PDE4A: variants seen among roughly 807,000 people sequenced by gnomAD.
PDE4A encodes the protein 3',5'-cyclic-AMP phosphodiesterase 4A.
A neutral mutation model predicts 73.9 loss-of-function variants in PDE4A; 21 were observed. The observed-to-expected ratio is 0.28, with a 90% CI of 0.20 to 0.41. PDE4A has a LOEUF of 0.41. Among genes scored for constraint, PDE4A ranks in the 10% least tolerant of loss-of-function variants. The probability of loss-of-function intolerance (pLI) is 1.00; values close to 1 mark genes in which losing one functional copy is unlikely to be tolerated. For missense variants in PDE4A, 958 were observed against 1,211.4 expected, an observed-to-expected ratio of 0.79 and a Z score of 3.10; for synonymous variants, 463 against 505.4, an observed-to-expected ratio of 0.92 and a Z score of 1.13.
intron 1 of PDE4A, chr19:10,427,347 G>A: frequency 4.1e-6 from 1 of 242,962 alleles, no homozygotes; most frequent in Non-Finnish European, 6.6e-6. Flanking sequence ...TGATGGAAGA[G>A]GGTGCCAACC....
intron 4 of PDE4A, among the ~76,000 whole-genome samples, chr19:10,450,134 T>C (rs2043068032): frequency 1.3e-5 from 2 of 152,118 alleles, no homozygotes; most frequent in Admixed American, 1.3e-4. Context: ...ATTACAATAA[T>C]GCCTCCCTTA....
At chr19:10,432,446 T>C in intron 1 of PDE4A, 2 of 1,479,818 alleles carry the variant, frequency 1.4e-6, no homozygotes, top group Middle Eastern at 2.2e-4. Context: ...TGCGCTCCGG[T>C]GCAGCGCCCC....
chr19:10,447,186 C>T (rs2043018864), intron 2 of PDE4A, among the ~76,000 whole-genome samples: 2 of 148,710 alleles, frequency 1.3e-5, no homozygotes, highest in Non-Finnish European at 1.5e-5. Flanking sequence ...AGGCATGAGC[C>T]ACCGCGCCTG....
At chr19:10,421,179 T>A (rs1599394882) in intron 1 of PDE4A, 95 bp downstream of exon 1, 1 of 1,334,114 alleles carries the variant, frequency 7.5e-7, no homozygotes, top group Non-Finnish European at 9.5e-7. Context: ...AGGATGCGGG[T>A]GGGGTCGGTT....
At chr19:10,426,190 T>C (rs1337661890) in intron 1 of PDE4A, among the ~76,000 whole-genome samples, 1 of 151,690 alleles carries the variant, frequency 6.6e-6, no homozygotes, top group African/African-American at 2.4e-5. Context: ...ATAAAAGAAG[T>C]AAATCCAGCT....
intron 1 of PDE4A, among the ~76,000 whole-genome samples, chr19:10,433,888 C>T (rs544612744): frequency 1.2e-4 from 18 of 151,930 alleles, no homozygotes; most frequent in African/African-American, 3.4e-4. Flanking sequence ...CTGTGCGCCC[C>T]GGGGGAAGAC....
chr19:10,459,782 A>G, intron 10 of PDE4A, 23 bp downstream of exon 10: 1 of 1,583,058 alleles, frequency 6.3e-7, no homozygotes, highest in Non-Finnish European at 8.6e-7. Context: ...CCTGTGAGTG[A>G]CCGTCCCCAT....
chr19:10,443,723 C>T (rs1013706624), intron 1 of PDE4A, among the ~76,000 whole-genome samples: 1 of 151,524 alleles, frequency 6.6e-6, no homozygotes, highest in Admixed American at 6.6e-5. Context: ...AAAAAAACAC[C>T]AGGCCAGGCG....
At position 10,435,510 on chromosome 19, in the gene PDE4A, A is replaced by G. The variant is rs558824542; in HGVS notation, c.321-10708A>G. Among the ~76,000 whole-genome samples, 171 of 151,894 alleles carry G rather than the reference A, an allele frequency of 1.1e-3. 1 individual carries two copies. The highest frequency in any genetic ancestry group is 4.1e-3 in the African/African-American group (170 of 41,418). On this transcript the variant is annotated intron_variant, in intron 1 of 14. Transcript: ENST00000380702. The stretch of plus-strand genomic sequence containing the variant: ...TGGGAGGCTGAGGCTGCAGTGAACC[A>G]TGATCGCCCCACTGCACTGCAGTCT...
At chr19:10,430,414 T>TG (rs1373932788) in intron 1 of PDE4A, among the ~76,000 whole-genome samples, 2 of 151,848 alleles carry the variant, frequency 1.3e-5, no homozygotes, top group African/African-American at 4.8e-5. Flanking sequence ...CCCCGGGATT[T>TG]GGGGGGGTAC....
At chr19:10,420,460 G>A (rs1446651430), upstream of PDE4A, 9 of 823,152 alleles carry the variant, frequency 1.1e-5, no homozygotes, top group Non-Finnish European at 1.2e-5. This position sits in a 1 kb window ranked among gnomAD's most constrained non-coding sequence, Gnocchi z 6.0. Context: ...CGGGCGGGGG[G>A]CGGGGAGGGG....
At chr19:10,438,116 C>CTTT (rs767841992) in intron 1 of PDE4A, among the ~76,000 whole-genome samples, 1 of 130,778 alleles carries the variant, frequency 7.6e-6, no homozygotes, top group Non-Finnish European at 1.7e-5. Context: ...GCCTCCAAGA[C>CTTT]TTTTTTTTTT....
At chr19:10,445,665 G>T (rs932669952) in intron 1 of PDE4A, among the ~76,000 whole-genome samples, 4 of 151,514 alleles carry the variant, frequency 2.6e-5, no homozygotes, top group African/African-American at 7.3e-5. Context: ...CTACGCAGGA[G>T]GCTGAGGCAG....
rs899648048 is a variant in PDE4A, at chr19:10,461,844, T to A, written c.1621-33T>A. Reference sequence around the variant, plus strand: ...CCCGGGTCAGTCTGGGGGGCGGGTGTCAGCGGCCCCAGTGACGCCCCCTTG... The same window carrying A: ...CCCGGGTCAGTCTGGGGGGCGGGTGACAGCGGCCCCAGTGACGCCCCCTTG... On this transcript the variant is annotated intron_variant, in intron 12 of 14. Transcript: ENST00000380702. 5.6e-6 allele frequency: 9 copies of A among 1,604,824 alleles called. No homozygotes were observed. The African/African-American group carries it at 1.1e-4, about 19-fold the overall frequency.
chr19:10,417,343 G>T (rs946048101), upstream of PDE4A: 5 of 985,178 alleles, frequency 5.1e-6, no homozygotes, highest in Admixed American at 6.2e-5. Context: ...AGACGTGGAG[G>T]TTGGGAAGAG....
chr19:10,459,278 T>C (rs778599044), intron 8 of PDE4A, 122 bp from the exon 9 acceptor site: 52 of 1,516,144 alleles, frequency 3.4e-5, no homozygotes, highest in Non-Finnish European at 4.6e-5. Context: ...CTGTTGAACC[T>C]GTCACCCACT....
chr19:10,418,685 ACC>A, upstream of PDE4A: 1 of 822,890 alleles, frequency 1.2e-6, no homozygotes, highest in Non-Finnish European at 1.5e-6. Context: ...AGCTCAGGCC[ACC>A]GCTCCTCGTT....
At position 10,453,524 on chromosome 19, in the gene PDE4A, C is replaced by T. The variant is rs1174873098; in HGVS notation, c.784-1305C>T. Among the ~76,000 whole-genome samples, 1 of 151,628 alleles carries T rather than the reference C, an allele frequency of 6.6e-6. No individual in the cohort carries two copies. Among genetic ancestry groups the T allele is most frequent in the Non-Finnish European group, 1.5e-5 (1 of 67,892 alleles). The stretch of plus-strand genomic sequence containing the variant: ...CTCTCCCTGGGGGTGGACTGCGGGT[C>T]CCTCACTGGGTGTGACTGTGTCAGT... On this transcript the variant is annotated intron_variant, in intron 6 of 14. Transcript: ENST00000380702. The surrounding 1 kb of genome is among the most constrained non-coding windows in gnomAD (Gnocchi z 4.6).
rs2042686455 is a variant in PDE4A at position 10,424,297 on chromosome 19, C to T, written c.320+3213C>T. The stretch of plus-strand genomic sequence containing the variant: ...CATACGGACCCTGCGTCCCCCCTCC[C>T]TGGGCCCTAAAACTTCCCCATCGAG... On this transcript the variant is annotated intron_variant, in intron 1 of 14. Coordinates refer to ENST00000380702, the MANE Select transcript of PDE4A (RefSeq NM_001111307.2). This position sits in a 1 kb window ranked among gnomAD's most constrained non-coding sequence, Gnocchi z 4.8. 6.6e-6 allele frequency among the ~76,000 whole-genome samples: 1 copy of T among 152,242 alleles called. No individual in the cohort carries two copies. The highest frequency in any genetic ancestry group is 1.5e-5 in the Non-Finnish European group (1 of 68,044).
Sources: gnomAD v4.1 joint callset for allele counts (sites outside exome capture counted in the v4.1 genomes callset) on GRCh38, gnomAD v4.1.1 for gene constraint, Gnocchi (gnomAD v3.1) non-coding constraint, MANE v1.5 for transcripts, NCBI Gene and HGNC (gene_info 2026-07-23, HGNC 2026-07-21) for gene names.